ACOXL: variants seen among roughly 807,000 people sequenced by gnomAD.
The protein encoded by ACOXL is acyl-coenzyme A oxidase-like protein.
In ACOXL, 70 loss-of-function variants were observed where a neutral mutation model predicts 71.9. The observed-to-expected ratio is 0.97, with a 90% confidence interval of 0.80 to 1.19. The LOEUF (loss-of-function observed/expected upper bound fraction) is 1.19, where lower values mean the gene tolerates loss of function less well. Among genes scored for constraint, ACOXL ranks in the 50% most tolerant of loss-of-function variants. The pLI is 0.00. For synonymous variants in ACOXL, 253 were observed against 281.6 expected, an observed-to-expected ratio of 0.90 and a Z score of 1.02; for missense variants, 703 against 736.3, an observed-to-expected ratio of 0.95 and a Z score of 0.52.
At chr2:110,903,603 TG>T (rs2059332086) in intron 10 of ACOXL, among the ~76,000 whole-genome samples, 1 of 152,238 alleles carries the variant, frequency 6.6e-6, no homozygotes, top group Admixed American at 6.5e-5. Flanking sequence ...ATATAGCCTT[TG>T]TATGTGTTTT....
chr2:110,921,230 T>C (rs2060055680), intron 11 of ACOXL, among the ~76,000 whole-genome samples: 2 of 152,148 alleles, frequency 1.3e-5, no homozygotes, highest in African/African-American at 2.4e-5. Context: ...GATAGAGGCC[T>C]ATCAATTTTG....
At chr2:110,900,598 A>G (rs190572023) in intron 10 of ACOXL, among the ~76,000 whole-genome samples, 55 of 152,282 alleles carry the variant, frequency 3.6e-4, no homozygotes, top group African/African-American at 9.4e-4. Context: ...ATTTCTAACC[A>G]TTCTATCTTG....
intron 12 of ACOXL, among the ~76,000 whole-genome samples, chr2:110,934,361 A>T (rs2060587360): frequency 6.6e-6 from 1 of 152,152 alleles, no homozygotes; most frequent in South Asian, 2.1e-4. Flanking sequence ...CTTCATTCGA[A>T]TGCAAGCCAG....
intron 2 of ACOXL, among the ~76,000 whole-genome samples, chr2:110,780,568 A>C (rs2105123969): frequency 6.6e-6 from 1 of 152,356 alleles, no homozygotes; most frequent in South Asian, 2.1e-4. Flanking sequence ...TTGTTTAGAC[A>C]AATTATAAAC....
intron 1 of ACOXL, among the ~76,000 whole-genome samples, chr2:110,762,206 C>T (rs950265384): frequency 6.6e-6 from 1 of 152,062 alleles, no homozygotes; most frequent in Non-Finnish European, 1.5e-5. Context: ...CTTTTTGCAT[C>T]TTTTAGCTTT....
intron 9 of ACOXL, among the ~76,000 whole-genome samples, chr2:110,822,867 A>G (rs991357961): frequency 6.6e-6 from 1 of 152,068 alleles, no homozygotes; most frequent in Admixed American, 6.6e-5. Flanking sequence ...CACCATCTCT[A>G]TAGTTTTTGC....
intron 16 of ACOXL, among the ~76,000 whole-genome samples, chr2:111,089,491 T>A (rs1250268957): frequency 6.6e-6 from 1 of 152,190 alleles, no homozygotes; most frequent in African/African-American, 2.4e-5. Context: ...GACAAGACTT[T>A]ACAAACTTGA....
At position 110,913,712 on chromosome 2, in the gene ACOXL, G is replaced by A. The variant is rs115938067; in HGVS notation, c.905+4807G>A. Among the ~76,000 whole-genome samples the A allele has an allele frequency of 7.7e-3, 1,169 of 152,286 alleles. 17 individuals carry two copies. Among genetic ancestry groups the A allele is most frequent in the African/African-American group, 0.026 (1,086 of 41,550 alleles). ...GCTCATAATTCTGCAGGCTATACAA[G>A]CATGGCACAGGCATCTACTCTGCTT... On this transcript the variant is annotated intron_variant, in intron 11 of 17. Coordinates refer to ENST00000439055, the MANE Select transcript of ACOXL (RefSeq NM_001142807.4).
chr2:110,950,260 T>G (rs1670237509), intron 12 of ACOXL, among the ~76,000 whole-genome samples: 1 of 152,162 alleles, frequency 6.6e-6, no homozygotes, highest in African/African-American at 2.4e-5. Flanking sequence ...AAAGTCCGTA[T>G]GTCATCTTTG....
At position 110,805,306 on chromosome 2, in the gene ACOXL, A is replaced by C; in HGVS notation, c.664A>C (p.Arg222=). 6.2e-7 allele frequency: 1 copy of C among 1,614,236 alleles called. No individual in the cohort carries two copies. Among genetic ancestry groups the C allele is most frequent in the Non-Finnish European group, 8.5e-7 (1 of 1,180,036 alleles). The change falls in exon 9 of 18, where the codon AGG becomes CGG. Residue 222 remains arginine (R), a synonymous_variant. Coordinates refer to ENST00000439055, the MANE Select transcript of ACOXL (RefSeq NM_001142807.4). ...APDGQYHSPI[R]NKSARFNAML... is the part of the protein sequence containing the mutation. ...AGATGGACAGTACCATTCGCCTATTAGGAACAAGAGTGCAAGATTCAATGC... is the reference window on the plus strand; with the variant it reads ...AGATGGACAGTACCATTCGCCTATTCGGAACAAGAGTGCAAGATTCAATGC...
chr2:110,849,045 A>G (rs1219659261), intron 10 of ACOXL, among the ~76,000 whole-genome samples: 1 of 152,192 alleles, frequency 6.6e-6, no homozygotes, highest in Non-Finnish European at 1.5e-5. Flanking sequence ...TCACCCTCCA[A>G]CAGCCCCCCT....
intron 14 of ACOXL, among the ~76,000 whole-genome samples, chr2:111,004,334 G>T (rs2063775762): frequency 6.6e-6 from 1 of 152,182 alleles, no homozygotes; most frequent in South Asian, 2.1e-4. Flanking sequence ...CTAGGCACAT[G>T]GGAAGCCCAT....
intron 12 of ACOXL, among the ~76,000 whole-genome samples, chr2:110,981,149 G>C (rs12467067): frequency 0.03 from 4,566 of 152,282 alleles, 292 homozygotes; most frequent in East Asian, 0.22. Context: ...GATCACTTGA[G>C]GTCAGGAGTT....
intron 10 of ACOXL, among the ~76,000 whole-genome samples, chr2:110,847,196 C>T (rs1181839609): frequency 6.6e-6 from 1 of 151,932 alleles, no homozygotes; most frequent in Non-Finnish European, 1.5e-5. Context: ...TTGTTTTTTT[C>T]TCTTTCTGCA....
chr2:110,807,528 TC>T (rs1686816353), intron 9 of ACOXL, among the ~76,000 whole-genome samples: 1 of 152,172 alleles, frequency 6.6e-6, no homozygotes, highest in African/African-American at 2.4e-5. Context: ...ATGCATAGTG[TC>T]CTTTGAATTC....
intron 1 of ACOXL, among the ~76,000 whole-genome samples, chr2:110,741,602 C>G (rs1677547709): frequency 1.3e-5 from 2 of 152,054 alleles, no homozygotes; most frequent in Admixed American, 1.3e-4. Flanking sequence ...ATAGAAACTC[C>G]CTACCTCTGA....
At chr2:110,887,918 A>T (rs1176233398) in intron 10 of ACOXL, 1 of 152,160 alleles carries the variant, frequency 6.6e-6, no homozygotes, top group South Asian at 2.1e-4. Flanking sequence ...GCGTCTGTTT[A>T]CCTCTCCTGT....
chr2:110,904,868 G>T (rs1403670302), intron 10 of ACOXL, among the ~76,000 whole-genome samples: 3 of 152,132 alleles, frequency 2.0e-5, no homozygotes, highest in Non-Finnish European at 4.4e-5. Flanking sequence ...ACCTGGCCCT[G>T]GGGAGACTAG....
intron 1 of ACOXL, among the ~76,000 whole-genome samples, chr2:110,753,103 A>G (rs991355159): frequency 2.6e-5 from 4 of 151,984 alleles, no homozygotes; most frequent in South Asian, 2.1e-4. Context: ...TTCTCACTCT[A>G]TTAGTTCACT....
Sources: allele counts gnomAD v4.1 joint callset (sites outside exome capture counted in the v4.1 genomes callset), GRCh38; gene constraint gnomAD v4.1.1; transcripts MANE v1.5; gene names NCBI Gene and HGNC (gene_info 2026-07-23, HGNC 2026-07-21).